Variants in CHPF2 observed in about 807,000 individuals in gnomAD.
CHPF2 encodes the protein chondroitin polymerizing factor 2.
A neutral mutation model predicts 63.0 loss-of-function variants in CHPF2; 58 were observed. The ratio of observed to expected loss-of-function variants is 0.92; its 90% confidence interval spans 0.75 to 1.15. The LOEUF (loss-of-function observed/expected upper bound fraction) is 1.15. Among genes scored for constraint, CHPF2 ranks in the 50% most tolerant of loss-of-function variants. The pLI is 0.00. For missense variants in CHPF2, 1,045 were observed against 1,035.4 expected (o/e 1.01, Z -0.13); for synonymous variants, 442 against 438.0 (o/e 1.01, Z -0.11).
chr7:151,236,273 G>T, intron 2 of CHPF2, 135 bp from the exon 3 acceptor site: 1 of 705,548 alleles, frequency 1.4e-6, no homozygotes, highest in Non-Finnish European at 2.2e-6. Flanking sequence ...TAAGCGAGGT[G>T]CTGGAAAGGG....
At chr7:151,237,320 C>A in intron 3 of CHPF2, 54 bp from the exon 4 acceptor site, 1 of 1,420,690 alleles carries the variant, frequency 7.0e-7, no homozygotes, top group Non-Finnish European at 9.6e-7. Flanking sequence ...GCAGCTGGAG[C>A]TGGGTAGGAT....
In CHPF2 at chr7:151,233,781, G is replaced by T; in HGVS notation, c.-231G>T. On this transcript the variant is annotated 5_prime_UTR_variant, in exon 1 of 4. Transcript: ENST00000035307. ...TCATTTATTACCGTTTTGGCTGGGGGTTAGTTCCGACACCTTCACAGTTGA... is the reference window on the plus strand; with the variant it reads ...TCATTTATTACCGTTTTGGCTGGGGTTTAGTTCCGACACCTTCACAGTTGA... The T allele has an allele frequency of 8.1e-7, 1 of 1,232,548 alleles. No homozygotes were observed. Among genetic ancestry groups the T allele is most frequent in the Non-Finnish European group, 1.0e-6 (1 of 988,474 alleles). The allele number at this position is 1,232,548 out of a possible 1,614,324, so 76.4% of individuals were successfully genotyped here. A position where few individuals can be genotyped will look rare whatever the true frequency, so the allele number is the denominator to read the frequency against.
At position 151,235,575 on chromosome 7, in the gene CHPF2, T is replaced by C. The variant is rs367594969; in HGVS notation, c.791T>C (p.Ile264Thr). The change falls in exon 2 of 4, where the codon ATT becomes ACT. Residue 264 changes from isoleucine to threonine, a missense_variant. Coordinates refer to ENST00000035307, the MANE Select transcript of CHPF2 (RefSeq NM_019015.3). The part of the protein sequence containing the change: ...RPDEWLGRCL[I>T]DSLGVGCVSQ... ...GACGAGTGGCTTGGACGCTGCCTCA[T>C]TGACTCTCTGGGCGTCGGCTGTGTC... The C allele has an allele frequency of 3.0e-5, 48 of 1,608,430 alleles. No homozygotes were observed. Among genetic ancestry groups the C allele is most frequent in the Non-Finnish European group, 3.8e-5 (45 of 1,179,408 alleles).
At chr7:151,236,261 G>A (rs994444196) in intron 2 of CHPF2, 147 bp from the exon 3 acceptor site, 4 of 620,576 alleles carry the variant, frequency 6.4e-6, no homozygotes, top group East Asian at 6.2e-5. Flanking sequence ...AAGAACTGGG[G>A]TTAAGCGAGG....
chr7:151,233,051 G>A lies in CHPF2; in HGVS notation c.-961G>A. 8.0e-7 allele frequency: 1 copy of A among 1,256,188 alleles called. No individual in the cohort carries two copies. Among genetic ancestry groups the A allele is most frequent in the Non-Finnish European group, 1.0e-6 (1 of 999,684 alleles). The allele number at this position is 1,256,188 out of a possible 1,614,324, so 77.8% of individuals were successfully genotyped here. On this transcript the variant is annotated 5_prime_UTR_variant, in exon 1 of 4. Transcript: ENST00000035307. ...GCAGGGGTCCTGTCGGAAGCTGGCC[G>A]CGCTTCTGTTTGCGTTCCCAGGACC...
At position 151,238,104 on chromosome 7, in the gene CHPF2, C is replaced by G; in HGVS notation, c.1742C>G (p.Ser581Trp). Residue 581 changes from serine to tryptophan, a missense_variant, in exon 4 of 4, where the codon TCG becomes TGG. Coordinates refer to ENST00000035307, the MANE Select transcript of CHPF2 (RefSeq NM_019015.3). ...PSQVRLMDVV[S>W]KKHPVDTLFF... ...CAGGTGCGACTCATGGACGTGGTCT[C>G]GAAGAAGCACCCTGTGGACACTCTC... 1.9e-6 allele frequency: 3 copies of G among 1,612,242 alleles called. No homozygotes were observed. The South Asian group carries it at 3.3e-5, about 18-fold the overall frequency.
chr7:151,237,709 G>T lies in CHPF2; in HGVS notation c.1347G>T (p.Leu449=). ...GCATGGAGTACACCCTGGACCTGCT[G>T]TTGGAATGTGTGACACAGCGTGGGC... The part of the protein sequence containing the change: ...ARGMEYTLDL[L]LECVTQRGHR... The change falls in exon 4 of 4, where the codon CTG becomes CTT. Residue 449 remains leucine (L), a synonymous_variant. Transcript: ENST00000035307. 6.2e-7 allele frequency: 1 copy of T among 1,612,950 alleles called. No homozygotes were observed.
Position 151,238,179 on chromosome 7 carries a change from G to T in CHPF2, c.1817G>T (p.Arg606Leu). The T allele has an allele frequency of 6.2e-7, 1 of 1,612,768 alleles. No homozygotes were observed. The highest frequency in any genetic ancestry group is 1.1e-5 in the South Asian group (1 of 91,090). The change falls in exon 4 of 4, where the codon CGC (arginine) becomes CTC (leucine). Residue 606 changes from arginine (R) to leucine (L), a missense_variant. Transcript: ENST00000035307. ...AGGCCTGGGCCCGAAGTCCTCAACC[G>T]CTGTCGCATGAATGCCATCTCTGGC... Reference protein sequence around the residue: ...WTRPGPEVLNRCRMNAISGWQ... With the variant: ...WTRPGPEVLNLCRMNAISGWQ...
chr7:151,235,866 C>T lies in CHPF2; in HGVS notation c.828+254C>T, dbSNP rs569566389. Reference sequence around the variant, plus strand: ...TCCTTCTCCCCTGCCCCCCTGCCCTCCACACCTCCCCCGACATCCACACTT... The same window carrying T: ...TCCTTCTCCCCTGCCCCCCTGCCCTTCACACCTCCCCCGACATCCACACTT... On this transcript the variant is annotated intron_variant, in intron 2 of 3. Coordinates refer to ENST00000035307, the MANE Select transcript of CHPF2 (RefSeq NM_019015.3). Among the ~76,000 whole-genome samples the T allele has an allele frequency of 9.1e-5, 13 of 142,318 alleles. No homozygotes were observed. The South Asian group carries it at 2.2e-3, about 24-fold the overall frequency. The allele number at this position is 142,318 out of a possible 152,430, so 93.4% of individuals were successfully genotyped here.
chr7:151,233,557 C>G lies in CHPF2; in HGVS notation c.-455C>G, dbSNP rs1802537701. ...CCCACTGAGGCAGGCTCCGGCTCCT[C>G]TGGTTGGGGCTGTTGTTTTGATGGA... On this transcript the variant is annotated 5_prime_UTR_variant, in exon 1 of 4. Coordinates refer to ENST00000035307, the MANE Select transcript of CHPF2 (RefSeq NM_019015.3). 8 of 986,738 alleles carry G rather than the reference C, an allele frequency of 8.1e-6. No individual in the cohort carries two copies. The highest frequency in any genetic ancestry group is 9.6e-6 in the Non-Finnish European group (8 of 830,846). 61.1% of individuals were successfully genotyped at this position (986,738 alleles called of 1,614,324 possible). A position where few individuals can be genotyped will look rare whatever the true frequency, so the allele number is the denominator to read the frequency against.
At chr7:151,235,023 CT>C in intron 1 of CHPF2, 24 bp from the exon 2 acceptor site, 1 of 1,516,036 alleles carries the variant, frequency 6.6e-7, no homozygotes, top group Non-Finnish European at 8.9e-7. Flanking sequence ...GGGAGTTGAC[CT>C]CTGGCACACT....
rs1802761204 is a variant in CHPF2 at position 151,238,355 on chromosome 7, G to A, written c.1993G>A (p.Asp665Asn). ...SRGAPIGGRF[D>N]RQASAEGCFY... The stretch of plus-strand genomic sequence containing the variant: ...GGGGGCTCCTATAGGGGGGAGATTT[G>A]ACCGGCAGGCTTCTGCGGAGGGCTG... The change falls in exon 4 of 4, where the codon GAC becomes AAC. Residue 665 changes from aspartate to asparagine, a missense_variant. Coordinates refer to ENST00000035307, the MANE Select transcript of CHPF2 (RefSeq NM_019015.3). The A allele has an allele frequency of 3.7e-6, 6 of 1,608,834 alleles. No homozygotes were observed. The highest frequency in any genetic ancestry group is 4.2e-6 in the Non-Finnish European group (5 of 1,177,330).
In CHPF2 at chr7:151,237,800, A is replaced by G. The variant is rs1802721990; in HGVS notation, c.1438A>G (p.Met480Val). Residue 480 changes from methionine to valine, a missense_variant, in exon 4 of 4, where the codon ATG becomes GTG. Transcript: ENST00000035307. ...ACTGAGCCGGGTGGAAATCCTACCT[A>G]TGCCCTATGTCACTGAGGCCACCCG... ...RPLSRVEILPMPYVTEATRVQ... is the reference protein window; with the variant it reads ...RPLSRVEILPVPYVTEATRVQ... 2 of 1,612,470 alleles carry G rather than the reference A, an allele frequency of 1.2e-6. No individual in the cohort carries two copies. The highest frequency in any genetic ancestry group is 8.5e-7 in the Non-Finnish European group (1 of 1,179,998).
Position 151,234,060 on chromosome 7 carries a change from A to G in CHPF2, c.49A>G (p.Ile17Val). 6.4e-7 allele frequency: 1 copy of G among 1,574,304 alleles called. No homozygotes were observed. Among genetic ancestry groups the G allele is most frequent in the Non-Finnish European group, 8.6e-7 (1 of 1,160,522 alleles). Reference sequence around the variant, plus strand: ...TCTGCTGCGGCCAGCGCTTCCCCTCATCTTAGGGCTGTCTCTGGGGTGCAG... The same window carrying G: ...TCTGCTGCGGCCAGCGCTTCCCCTCGTCTTAGGGCTGTCTCTGGGGTGCAG... ...LALLRPALPL[I>V]LGLSLGCSLS... The change falls in exon 1 of 4, where the codon ATC becomes GTC. Residue 17 changes from isoleucine to valine, a missense_variant. By Grantham distance (29) the Ile-to-Val change is conservative. Transcript: ENST00000035307.
rs114879520 is a variant in CHPF2, at chr7:151,232,880, C to T, written c.-1132C>T. 5.1e-4 allele frequency: 714 copies of T among 1,395,276 alleles called. 5 individuals carry two copies. In the African/African-American group the frequency reaches 9.9e-3, roughly 19 times the overall value. The allele number at this position is 1,395,276 out of a possible 1,614,324, so 86.4% of individuals were successfully genotyped here. The stretch of plus-strand genomic sequence containing the variant: ...CTCGCAGAACGACCCGAGCTGGTCT[C>T]CCGAGCCCCCTTCTCAGCAGCCCGG... On this transcript the variant is annotated 5_prime_UTR_variant, in exon 1 of 4. Transcript: ENST00000035307.
In CHPF2 at chr7:151,232,665, GC is replaced by G; in HGVS notation, c.-1345del. 1.6e-6 allele frequency: 2 copies of G among 1,265,866 alleles called. No homozygotes were observed. The highest frequency in any genetic ancestry group is 2.1e-6 in the Non-Finnish European group (2 of 939,496). The allele number at this position is 1,265,866 out of a possible 1,614,324, so 78.4% of individuals were successfully genotyped here. A position where few individuals can be genotyped will look rare whatever the true frequency, so the allele number is the denominator to read the frequency against. Reference sequence around the variant, plus strand: ...CCTCCCGGGACGCCGGGAGACCCCGGCCGTCCTTTATCCGGTGTCCGCCGGC... The same window carrying G: ...CCTCCCGGGACGCCGGGAGACCCCGGCGTCCTTTATCCGGTGTCCGCCGGC... On this transcript the variant is annotated 5_prime_UTR_variant, in exon 1 of 4. Coordinates refer to ENST00000035307, the MANE Select transcript of CHPF2 (RefSeq NM_019015.3).
In CHPF2 at chr7:151,232,659, A is replaced by G. The variant is rs1802503315; in HGVS notation, c.-1353A>G. 6 of 1,164,016 alleles carry G rather than the reference A, an allele frequency of 5.2e-6. No homozygotes were observed. The highest frequency in any genetic ancestry group is 4.7e-6 in the Non-Finnish European group (4 of 856,184). The allele number at this position is 1,164,016 out of a possible 1,614,324, so 72.1% of individuals were successfully genotyped here. Reference sequence around the variant, plus strand: ...CCGCCCCCTCCCGGGACGCCGGGAGACCCCGGCCGTCCTTTATCCGGTGTC... The same window carrying G: ...CCGCCCCCTCCCGGGACGCCGGGAGGCCCCGGCCGTCCTTTATCCGGTGTC... On this transcript the variant is annotated 5_prime_UTR_variant, in exon 1 of 4. Coordinates refer to ENST00000035307, the MANE Select transcript of CHPF2 (RefSeq NM_019015.3).
In CHPF2 at chr7:151,236,470, G is replaced by A. The variant is rs1325288627; in HGVS notation, c.891G>A (p.Ser297=). 3 of 1,607,612 alleles carry A rather than the reference G, an allele frequency of 1.9e-6. No individual in the cohort carries two copies. Among genetic ancestry groups the A allele is most frequent in the South Asian group, 1.1e-5 (1 of 90,888 alleles). Residue 297 remains serine, a synonymous_variant, in exon 3 of 4, where the codon TCG becomes TCA. Coordinates refer to ENST00000035307, the MANE Select transcript of CHPF2 (RefSeq NM_019015.3). ...KNRDPEKEGS[S]AFLSAFAVHP... ...GGGACCCTGAGAAGGAAGGGAGCTC[G>A]GCTTTCCTGAGTGCCTTCGCCGTGC...
In CHPF2 at chr7:151,234,131, T is replaced by TGAAA. The variant is rs1362692798; in HGVS notation, c.120_121insGAAA (p.Pro41GlufsTer26). 6.2e-7 allele frequency: 1 copy of TGAAA among 1,612,844 alleles called. No individual in the cohort carries two copies. The highest frequency in any genetic ancestry group is 1.3e-5 in the African/African-American group (1 of 74,974). Reference sequence around the variant, plus strand: ...CCTGGATCCAGGGGGAGGGAGAAGATCCCTGTGTCGAGGCTGTAGGGGAGC... The same window carrying TGAAA: ...CCTGGATCCAGGGGGAGGGAGAAGATGAAACCCTGTGTCGAGGCTGTAGGGGAGC... On this transcript the variant is annotated frameshift_variant, in exon 1 of 4. Coordinates refer to ENST00000035307, the MANE Select transcript of CHPF2 (RefSeq NM_019015.3). LOFTEE classifies it high-confidence loss of function.
Sources: gnomAD v4.1 joint callset for allele counts (sites outside exome capture counted in the v4.1 genomes callset) on GRCh38, gnomAD v4.1.1 for gene constraint, MANE v1.5 for transcripts, NCBI Gene and HGNC (gene_info 2026-07-23, HGNC 2026-07-21) for gene names.